The following TSHZ2 variants were observed in gnomAD, a reference collection of about 807,000 sequenced individuals.
The protein encoded by TSHZ2 is teashirt homolog 2.
Under a neutral mutation model 74.4 loss-of-function variants are expected in TSHZ2, and 21 were observed. That is an observed-to-expected ratio of 0.28 (90% CI 0.20 to 0.41). TSHZ2 has a LOEUF of 0.41. Ranked by LOEUF, TSHZ2 falls within the 10% of genes least tolerant of loss-of-function variation. TSHZ2 has a pLI of 1.00. For synonymous variants in TSHZ2, 540 were observed against 515.3 expected (o/e 1.05, Z -0.65); for missense variants, 1,244 against 1,293.5 (o/e 0.96, Z 0.59).
In TSHZ2 at chr20:53,436,131, GGGC is replaced by G. The variant is rs1298377097; in HGVS notation, c.*9-51012_*9-51010del. Among the ~76,000 whole-genome samples the G allele has an allele frequency of 9.4e-5, 10 of 106,486 alleles. No individual in the cohort carries two copies. In the Admixed American group the frequency reaches 9.4e-4, roughly 10 times the overall value. 69.9% of individuals were successfully genotyped at this position (106,486 alleles called of 152,430 possible). A position where few individuals can be genotyped will look rare whatever the true frequency, so the allele number is the denominator to read the frequency against. On this transcript the variant is annotated intron_variant, in intron 2 of 2. Transcript: ENST00000371497. ...GCACTCAGTGATGGTTTCTATGGCT[GGGC>G]TGTTTTTTGTGCTTCCACTGTTGAA...
intron 1 of TSHZ2, among the ~76,000 whole-genome samples, chr20:53,133,484 AAACAC>A (rs1402622622): frequency 6.6e-6 from 1 of 152,254 alleles, no homozygotes; most frequent in Non-Finnish European, 1.5e-5. Context: ...GCCATGCAGA[AAACAC>A]AACACTGACT....
chr20:53,279,558 C>T (rs750956458), intron 2 of TSHZ2, among the ~76,000 whole-genome samples: 3 of 152,184 alleles, frequency 2.0e-5, no homozygotes, highest in South Asian at 2.1e-4. Flanking sequence ...TTCTCTTTCT[C>T]GTCACCCTGT....
At chr20:53,334,295 A>G (rs902112474) in intron 2 of TSHZ2, among the ~76,000 whole-genome samples, 5 of 152,194 alleles carry the variant, frequency 3.3e-5, no homozygotes, top group African/African-American at 1.2e-4. Flanking sequence ...AGTGTTTCCC[A>G]GGATGGTTGG....
At chr20:53,433,942 C>G (rs1367440848) in intron 2 of TSHZ2, among the ~76,000 whole-genome samples, 3 of 152,160 alleles carry the variant, frequency 2.0e-5, no homozygotes, top group African/African-American at 4.8e-5. Context: ...AATCTTGGCT[C>G]ACGGCAACCT....
At chr20:53,339,815 AG>A (rs1568875349) in intron 2 of TSHZ2, among the ~76,000 whole-genome samples, 1 of 152,138 alleles carries the variant, frequency 6.6e-6, no homozygotes, top group Non-Finnish European at 1.5e-5. Flanking sequence ...GAAGGGATGC[AG>A]GTTATTGCTA....
At chr20:53,297,720 C>T (rs1259733274) in intron 2 of TSHZ2, among the ~76,000 whole-genome samples, 1 of 152,198 alleles carries the variant, frequency 6.6e-6, no homozygotes, top group Non-Finnish European at 1.5e-5. Context: ...CTTAACTTGT[C>T]CAAGCCCCAC....
At chr20:53,224,209 A>G (rs1265551437) in intron 1 of TSHZ2, among the ~76,000 whole-genome samples, 1 of 152,214 alleles carries the variant, frequency 6.6e-6, no homozygotes, top group Non-Finnish European at 1.5e-5. Flanking sequence ...AACAAATGTC[A>G]TTACAATCTA....
chr20:53,239,727 T>G (rs1052640577), intron 1 of TSHZ2, among the ~76,000 whole-genome samples: 19 of 152,166 alleles, frequency 1.2e-4, no homozygotes, highest in African/African-American at 4.6e-4. Context: ...AGCAAAAAAT[T>G]ACCTCATATT....
chr20:53,138,925 C>G (rs888475161), intron 1 of TSHZ2, among the ~76,000 whole-genome samples: 2 of 152,212 alleles, frequency 1.3e-5, no homozygotes, highest in Non-Finnish European at 2.9e-5. Context: ...AAATGAATAG[C>G]TGAGTGAATC....
intron 1 of TSHZ2, among the ~76,000 whole-genome samples, chr20:53,177,784 T>C (rs1988380168): frequency 1.3e-5 from 2 of 152,204 alleles, no homozygotes; most frequent in Non-Finnish European, 2.9e-5. Flanking sequence ...GGACAGTTCC[T>C]AGGTGCTCTC....
chr20:53,412,887 T>C (rs989148208), intron 2 of TSHZ2: 5 of 152,242 alleles, frequency 3.3e-5, no homozygotes, highest in Non-Finnish European at 5.9e-5. Context: ...AGACCTCCGA[T>C]CCCAGTCCTC....
At chr20:53,175,807 G>C (rs1354711984) in intron 1 of TSHZ2, among the ~76,000 whole-genome samples, 1 of 152,212 alleles carries the variant, frequency 6.6e-6, no homozygotes, top group Non-Finnish European at 1.5e-5. Flanking sequence ...ATGTCACAAA[G>C]ACTGACTTCC....
At chr20:53,410,036 AG>A (rs1568905144) in intron 2 of TSHZ2, among the ~76,000 whole-genome samples, 1 of 151,698 alleles carries the variant, frequency 6.6e-6, no homozygotes. Flanking sequence ...TAGTAGAGAC[AG>A]GGTTTCACCA....
rs561550785 is a variant in TSHZ2 at position 53,277,860 on chromosome 20, G to T, written c.*8+21289G>T. On this transcript the variant is annotated intron_variant, in intron 2 of 2. Transcript: ENST00000371497. ...CTCAGCACTGCACAACTTGGGCTGAGATTGGTCCACCCAGAGGAGTTTTGA... is the reference window on the plus strand; with the variant it reads ...CTCAGCACTGCACAACTTGGGCTGATATTGGTCCACCCAGAGGAGTTTTGA... 1.4e-4 allele frequency among the ~76,000 whole-genome samples: 22 copies of T among 152,368 alleles called. No individual in the cohort carries two copies. In the South Asian group the frequency reaches 4.6e-3, roughly 32 times the overall value.
chr20:53,240,272 A>G (rs1006597667), intron 1 of TSHZ2, among the ~76,000 whole-genome samples: 2 of 152,172 alleles, frequency 1.3e-5, no homozygotes, highest in African/African-American at 2.4e-5. Flanking sequence ...ATAGGATGCT[A>G]CGGCAAGGTG....
At chr20:53,480,049 AC>A (rs1986106563) in intron 2 of TSHZ2, among the ~76,000 whole-genome samples, 1 of 147,336 alleles carries the variant, frequency 6.8e-6, no homozygotes, top group African/African-American at 2.5e-5. Context: ...ACCAGCATGG[AC>A]AACATAACCC....
At chr20:53,279,242 C>T (rs1991008388) in intron 2 of TSHZ2, among the ~76,000 whole-genome samples, 1 of 152,152 alleles carries the variant, frequency 6.6e-6, no homozygotes, top group South Asian at 2.1e-4. Flanking sequence ...ACAGTTCAAG[C>T]TCATGTTGTT....
At chr20:52,985,268 T>C (rs2122891997) in intron 1 of TSHZ2, among the ~76,000 whole-genome samples, 1 of 152,304 alleles carries the variant, frequency 6.6e-6, no homozygotes, top group Admixed American at 6.5e-5. Context: ...AGACTTTGTT[T>C]TCTCATTAGC....
At chr20:53,147,424 C>T (rs1195453806) in intron 1 of TSHZ2, among the ~76,000 whole-genome samples, 11 of 152,138 alleles carry the variant, frequency 7.2e-5, no homozygotes, top group Non-Finnish European at 1.5e-4. Context: ...GGCATAGACA[C>T]AAAAGTTTAA....
Sources: allele counts gnomAD v4.1 joint callset (sites outside exome capture counted in the v4.1 genomes callset), GRCh38; gene constraint gnomAD v4.1.1; transcripts MANE v1.5; gene names NCBI Gene and HGNC (gene_info 2026-07-23, HGNC 2026-07-21).